Variants in E2F6 observed in about 807,000 individuals in gnomAD.
E2F6 encodes the protein transcription factor E2F6.
A neutral mutation model predicts 31.5 loss-of-function variants in E2F6; 19 were observed. The ratio of observed to expected loss-of-function variants is 0.60; its 90% CI spans 0.42 to 0.89. The LOEUF is 0.89. Among genes scored for constraint, E2F6 ranks in the 40% least tolerant of loss-of-function variants. The pLI is 0.00. For synonymous variants in E2F6, 121 were observed against 127.7 expected (o/e 0.95, Z 0.36); for missense variants, 269 against 341.6 (o/e 0.79, Z 1.67).
At position 11,457,211 on chromosome 2, in the gene E2F6, A is replaced by G; in HGVS notation, c.131T>C (p.Leu44Ser). Residue 44 changes from leucine (L) to serine (S), a missense_variant, in exon 2 of 7, where the codon TTA (leucine) becomes TCA (serine). Leu to Ser is a moderately radical substitution (Grantham distance 145). Coordinates refer to ENST00000381525, the MANE Select transcript of E2F6 (RefSeq NM_198256.4). ...GLLPSKIRINLEDNVQYVSMR... is the reference protein window; with the variant it reads ...GLLPSKIRINSEDNVQYVSMR... Reference sequence around the variant, plus strand: ...GGACACATATTGTACATTATCTTCTAAATTAATCCTTATTTTTGATGGCTG... The same window carrying G: ...GGACACATATTGTACATTATCTTCTGAATTAATCCTTATTTTTGATGGCTG... 6.4e-7 allele frequency: 1 copy of G among 1,564,078 alleles called. No individual in the cohort carries two copies. Among genetic ancestry groups the G allele is most frequent in the Non-Finnish European group, 8.8e-7 (1 of 1,137,290 alleles).
chr2:11,457,015 C>T, intron 2 of E2F6, 164 bp downstream of exon 2: 2 of 602,984 alleles, frequency 3.3e-6, no homozygotes, highest in South Asian at 3.8e-5. Flanking sequence ...ATGATTCAAC[C>T]CATAACCTCA....
intron 1 of E2F6, among the ~76,000 whole-genome samples, chr2:11,459,662 T>C (rs564802024): frequency 2.0e-5 from 3 of 151,440 alleles, no homozygotes; most frequent in South Asian, 4.2e-4. Context: ...GGGGAGGAGA[T>C]CACAAGGTCA....
chr2:11,454,643 C>T (rs1371490977), intron 2 of E2F6, among the ~76,000 whole-genome samples: 4 of 152,092 alleles, frequency 2.6e-5, no homozygotes, highest in South Asian at 4.1e-4. Flanking sequence ...AGAGCCACCG[C>T]GGCTGGCCCA....
rs61072678 is a variant in E2F6 at position 11,451,348 on chromosome 2, CTT to C, written c.536+301_536+302del. 159 of 105,642 alleles carry C rather than the reference CTT, an allele frequency of 1.5e-3. 1 individual carries two copies. Among genetic ancestry groups the C allele is most frequent in the Middle Eastern group, 4.4e-3 (1 of 226 alleles). 6.5% of individuals were successfully genotyped at this position (105,642 alleles called of 1,614,324 possible). Reference sequence around the variant, plus strand: ...TATACTACTACCAACTTTTACCTAACTTTTTTTTTTTTTTTTTTTGAGACGGA... The same window carrying C: ...TATACTACTACCAACTTTTACCTAACTTTTTTTTTTTTTTTTTGAGACGGA... On this transcript the variant is annotated intron_variant, in intron 4 of 6. Transcript: ENST00000381525.
In E2F6 at chr2:11,465,935, C is replaced by G. The variant is rs1238554792; in HGVS notation, c.-56G>C. The G allele has an allele frequency of 7.0e-7, 1 of 1,434,350 alleles. No homozygotes were observed. The highest frequency in any genetic ancestry group is 1.5e-5 in the African/African-American group (1 of 68,388). The allele number at this position is 1,434,350 out of a possible 1,614,324, so 88.9% of individuals were successfully genotyped here. ...CACCCCACGAGCTCTCCCGCCCTCT[C>G]GCGCTCAGCTCGAGCACCGCCCCCC... On this transcript the variant is annotated 5_prime_UTR_variant, in exon 1 of 7. Transcript: ENST00000381525.
At chr2:11,458,198 A>C in intron 1 of E2F6, 1 of 1,498,786 alleles carries the variant, frequency 6.7e-7, no homozygotes, top group Non-Finnish European at 9.1e-7. Context: ...GCCATAAAGC[A>C]AAACTGGGGC....
At chr2:11,454,658 C>A (rs1346371820) in intron 2 of E2F6, among the ~76,000 whole-genome samples, 3 of 151,808 alleles carry the variant, frequency 2.0e-5, no homozygotes, top group Admixed American at 6.6e-5. Context: ...GGCCCAGTAT[C>A]TCTATTTTTA....
intron 4 of E2F6, among the ~76,000 whole-genome samples, chr2:11,450,357 A>G (rs1414184677): frequency 6.6e-6 from 1 of 152,192 alleles, no homozygotes; most frequent in Non-Finnish European, 1.5e-5. Context: ...AACACAACCT[A>G]AAGAGTTTCT....
rs1190770247 is a variant in E2F6 at position 11,446,617 on chromosome 2, A to G, written c.800-94T>C. 1.1e-5 allele frequency: 11 copies of G among 1,035,888 alleles called. No homozygotes were observed. The East Asian group carries it at 2.8e-4, about 26-fold the overall frequency. The allele number at this position is 1,035,888 out of a possible 1,614,324, so 64.2% of individuals were successfully genotyped here. On this transcript the variant is annotated intron_variant, in intron 6 of 6. Transcript: ENST00000381525. ...ACGTAAAAGAATACACAATCTGACT[A>G]CTTCAGAAAACCCTGAAGATGCCTG... is the stretch of plus-strand genomic sequence containing the variant.
In E2F6 at chr2:11,446,069, C is replaced by A. The variant is rs934003009; in HGVS notation, c.*408G>T. On this transcript the variant is annotated 3_prime_UTR_variant, in exon 7 of 7. Coordinates refer to ENST00000381525, the MANE Select transcript of E2F6 (RefSeq NM_198256.4). ...ATTTAAATTCGTGTGTACATCTATG[C>A]AATGTACAACAGTAACTGCAAACAT... The A allele has an allele frequency of 2.3e-5, 4 of 175,142 alleles. No individual in the cohort carries two copies. Among genetic ancestry groups the A allele is most frequent in the Non-Finnish European group, 3.6e-5 (3 of 83,032 alleles). The allele number at this position is 175,142 out of a possible 1,614,324, so 10.8% of individuals were successfully genotyped here.
chr2:11,446,382 T>C lies in E2F6; in HGVS notation c.*95A>G, dbSNP rs1670711984. Reference sequence around the variant, plus strand: ...CGCTACTGAGAACGAGAGCACTTCATGGATAATTTATTGCTCTGAGAATCA... The same window carrying C: ...CGCTACTGAGAACGAGAGCACTTCACGGATAATTTATTGCTCTGAGAATCA... On this transcript the variant is annotated 3_prime_UTR_variant, in exon 7 of 7. Transcript: ENST00000381525. 2.1e-6 allele frequency: 2 copies of C among 937,740 alleles called. No homozygotes were observed. Among genetic ancestry groups the C allele is most frequent in the African/African-American group, 1.6e-5 (1 of 61,170 alleles). The allele number at this position is 937,740 out of a possible 1,614,324, so 58.1% of individuals were successfully genotyped here.
chr2:11,450,183 T>C (rs1670974228), intron 4 of E2F6, 57 bp from the exon 5 acceptor site: 2 of 1,163,094 alleles, frequency 1.7e-6, no homozygotes, highest in Admixed American at 2.1e-5. Context: ...AGGTAATTTA[T>C]CTCTAGTAAT....
chr2:11,452,431 C>G (rs186334384), intron 3 of E2F6, among the ~76,000 whole-genome samples: 1 of 152,096 alleles, frequency 6.6e-6, no homozygotes, highest in East Asian at 1.9e-4. Context: ...TGGTGAAACC[C>G]CGTCTCTACT....
At chr2:11,451,913 A>G in intron 3 of E2F6, 107 bp from the exon 4 acceptor site, 3 of 1,087,360 alleles carry the variant, frequency 2.8e-6, no homozygotes. Flanking sequence ...AGTGTTTTCC[A>G]CAACAATAGA....
At chr2:11,457,259 C>A in intron 1 of E2F6, 26 bp from the exon 2 acceptor site, 2 of 1,413,480 alleles carry the variant, frequency 1.4e-6, no homozygotes, top group Non-Finnish European at 2.0e-6. Flanking sequence ...AAAAATTTAA[C>A]TTAGTGATTT....
At position 11,457,187 on chromosome 2, in the gene E2F6, G is replaced by C. The variant is rs1462824942; in HGVS notation, c.155C>G (p.Ser52Cys). The C allele has an allele frequency of 5.1e-6, 8 of 1,560,262 alleles. No homozygotes were observed. Among genetic ancestry groups the C allele is most frequent in the Non-Finnish European group, 7.1e-6 (8 of 1,134,694 alleles). Residue 52 changes from serine to cysteine, a missense_variant, in exon 2 of 7, where the codon TCC becomes TGC. By Grantham distance (112) the Ser-to-Cys change is moderately radical. Transcript: ENST00000381525. ...INLEDNVQYV[S>C]MRKALKVKRP... ...TTCAGGAATCAACTTACTTCTCATGGACACATATTGTACATTATCTTCTAA... is the reference window on the plus strand; with the variant it reads ...TTCAGGAATCAACTTACTTCTCATGCACACATATTGTACATTATCTTCTAA...
At position 11,447,768 on chromosome 2, in the gene E2F6, T is replaced by C. The variant is rs371114161; in HGVS notation, c.658A>G (p.Ile220Val). ...LDVPAPREDS[I>V]TVHIRSTNGP... The stretch of plus-strand genomic sequence containing the variant: ...TTGGTGCTCCTTATGTGCACTGTGA[T>C]AGAGTCCTAGCAAAGGACACAGGAA... The change falls in exon 6 of 7, where the codon ATC becomes GTC. Residue 220 changes from isoleucine (I) to valine (V), a missense_variant. By Grantham distance (29) the Ile-to-Val change is conservative (BLOSUM62 3). Coordinates refer to ENST00000381525, the MANE Select transcript of E2F6 (RefSeq NM_198256.4). 6.8e-6 allele frequency: 11 copies of C among 1,611,166 alleles called. No homozygotes were observed. The highest frequency in any genetic ancestry group is 4.0e-5 in the African/African-American group (3 of 74,836).
chr2:11,460,664 G>A (rs138191864), intron 1 of E2F6, among the ~76,000 whole-genome samples: 21 of 152,230 alleles, frequency 1.4e-4, no homozygotes, highest in South Asian at 4.1e-4. Flanking sequence ...ATTTTGTTGC[G>A]TGAACATCAT....
chr2:11,450,931 T>G (rs1671023174), intron 4 of E2F6, among the ~76,000 whole-genome samples: 1 of 152,128 alleles, frequency 6.6e-6, no homozygotes, highest in Admixed American at 6.5e-5. Context: ...CATATAGGTT[T>G]AAGACACCCA....
Sources: allele counts gnomAD v4.1 joint callset (sites outside exome capture counted in the v4.1 genomes callset), GRCh38; gene constraint gnomAD v4.1.1; transcripts MANE v1.5; gene names NCBI Gene and HGNC (gene_info 2026-07-23, HGNC 2026-07-21).